ZNF385D: variants seen among roughly 807,000 people sequenced by gnomAD.
The protein encoded by ZNF385D is zinc finger protein 659.
A neutral mutation model predicts 35.8 loss-of-function variants in ZNF385D; 15 were observed. The observed-to-expected ratio is 0.42, with a 90% CI of 0.28 to 0.64. The LOEUF (loss-of-function observed/expected upper bound fraction) is 0.64, where lower values mean the gene tolerates loss of function less well. Among genes scored for constraint, ZNF385D ranks in the 30% least tolerant of loss-of-function variants. The pLI, the probability that ZNF385D is intolerant of heterozygous loss-of-function variation, is 0.23. For missense variants in ZNF385D, 474 were observed against 494.6 expected, an observed-to-expected ratio of 0.96 and a Z score of 0.39; for synonymous variants, 212 against 186.8, an observed-to-expected ratio of 1.13 and a Z score of -1.10.
intron 3 of ZNF385D, among the ~76,000 whole-genome samples, chr3:21,555,155 T>G (rs1161586579): frequency 5.3e-5 from 8 of 152,180 alleles, no homozygotes; most frequent in African/African-American, 1.7e-4. Flanking sequence ...TTCTGGTTTT[T>G]GATGTAAATG....
chr3:21,532,253 T>C (rs1308420813), intron 3 of ZNF385D, among the ~76,000 whole-genome samples: 4 of 152,144 alleles, frequency 2.6e-5, no homozygotes, highest in African/African-American at 9.7e-5. Flanking sequence ...GGTGAGATCA[T>C]GAGCTGGTGA....
intron 2 of ZNF385D, among the ~76,000 whole-genome samples, chr3:21,647,874 A>G (rs563099607): frequency 1.2e-4 from 19 of 152,290 alleles, no homozygotes; most frequent in African/African-American, 3.8e-4. Flanking sequence ...TCTTTTTTTC[A>G]TATGAATGTT....
chr3:22,297,709 C>T lies in ZNF385D; in HGVS notation c.106+74741G>A, dbSNP rs181714873. Among the ~76,000 whole-genome samples, 77 of 151,586 alleles carry T rather than the reference C, an allele frequency of 5.1e-4. No homozygotes were observed. The East Asian group carries it at 0.012, about 23-fold the overall frequency. ...TAATAAACAAAGCAAATACACGTGGCGAGGATTCATAACTGGGAATTTTCT... is the reference window on the plus strand; with the variant it reads ...TAATAAACAAAGCAAATACACGTGGTGAGGATTCATAACTGGGAATTTTCT... On this transcript the variant is annotated intron_variant, in intron 2 of 5. Coordinates refer to the ZNF385D transcript ENST00000494108.
At chr3:22,111,309 C>T (rs527901372) in intron 3 of ZNF385D, among the ~76,000 whole-genome samples, 6 of 151,764 alleles carry the variant, frequency 4.0e-5, no homozygotes, top group African/African-American at 1.2e-4. Flanking sequence ...GCCCTGTGAA[C>T]TTGGTAAATG....
At chr3:22,372,428 C>T (rs1696954980) in intron 2 of ZNF385D, 1 of 984,912 alleles carries the variant, frequency 1.0e-6, no homozygotes, top group South Asian at 4.7e-5. Context: ...AACCGAGACA[C>T]CTCTTTTTGC....
At chr3:22,118,945 T>G (rs1702946121) in intron 3 of ZNF385D, among the ~76,000 whole-genome samples, 2 of 152,138 alleles carry the variant, frequency 1.3e-5, no homozygotes, top group African/African-American at 4.8e-5. Context: ...ACTGAAAAAT[T>G]TTTAGTTTTT....
chr3:21,958,218 G>T lies in ZNF385D; in HGVS notation c.325+210599C>A, dbSNP rs180855390. Among the ~76,000 whole-genome samples, 334 of 152,112 alleles carry T rather than the reference G, an allele frequency of 2.2e-3. 2 individuals are homozygous for T. The highest frequency in any genetic ancestry group is 7.6e-3 in the African/African-American group (317 of 41,504). ...AAGAATATCAGCGTGCACCAATAAT[G>T]GGCAAAATCATTTTGTGAGGTGATC... is the stretch of plus-strand genomic sequence containing the variant. On this transcript the variant is annotated intron_variant, in intron 3 of 5. Coordinates refer to the ZNF385D transcript ENST00000494108.
At chr3:22,085,884 G>A (rs1429025284) in intron 3 of ZNF385D, among the ~76,000 whole-genome samples, 1 of 152,148 alleles carries the variant, frequency 6.6e-6, no homozygotes, top group Non-Finnish European at 1.5e-5. Flanking sequence ...TCCCTGAGTT[G>A]CAAGGATGGT....
intron 3 of ZNF385D, among the ~76,000 whole-genome samples, chr3:21,813,660 T>TAA (rs548618401): frequency 4.0e-5 from 6 of 150,974 alleles, no homozygotes; most frequent in Non-Finnish European, 7.4e-5. Flanking sequence ...GAAAAAAGAG[T>TAA]AAAAAGAAAT....
intron 2 of ZNF385D, among the ~76,000 whole-genome samples, chr3:22,314,422 C>T (rs771929712): frequency 5.9e-5 from 9 of 152,252 alleles, no homozygotes; most frequent in Middle Eastern, 6.8e-3. Flanking sequence ...AGTCTCCAAT[C>T]CCATCCAGAT....
chr3:22,057,949 A>T (rs1342534003), intron 3 of ZNF385D, among the ~76,000 whole-genome samples: 1 of 152,234 alleles, frequency 6.6e-6, no homozygotes, highest in Non-Finnish European at 1.5e-5. Context: ...CAAACATGCC[A>T]TTTAGGCCAT....
rs201734897 is a variant in ZNF385D, at chr3:21,425,753, A to AC, written c.674-84_674-83insG. 570 of 1,338,082 alleles carry AC rather than the reference A, an allele frequency of 4.3e-4. No individual in the cohort carries two copies. The African/African-American group carries it at 4.9e-3, about 11-fold the overall frequency. 82.9% of individuals were successfully genotyped at this position (1,338,082 alleles called of 1,614,324 possible). A position where few individuals can be genotyped will look rare whatever the true frequency, so the allele number is the denominator to read the frequency against. On this transcript the variant is annotated intron_variant, in intron 5 of 7. Coordinates refer to ENST00000281523, the MANE Select transcript of ZNF385D (RefSeq NM_024697.3). ...AAGGAGGTGGGATGGGAGGAAAAAA[A>AC]TCTTAGCTAGTATATACCTTTAAGA... is the stretch of plus-strand genomic sequence containing the variant.
At chr3:21,728,246 G>T (rs982356627) in intron 1 of ZNF385D, among the ~76,000 whole-genome samples, 29 of 150,938 alleles carry the variant, frequency 1.9e-4, no homozygotes, top group Non-Finnish European at 7.4e-5. Flanking sequence ...TAACAAAACT[G>T]CACGTTCTGC....
At chr3:21,907,637 C>G (rs1473874275) in intron 3 of ZNF385D, among the ~76,000 whole-genome samples, 1 of 152,076 alleles carries the variant, frequency 6.6e-6, no homozygotes, top group African/African-American at 2.4e-5. Flanking sequence ...TTATAAGAAT[C>G]TTTGATACTT....
intron 3 of ZNF385D, among the ~76,000 whole-genome samples, chr3:21,879,067 A>T (rs1271601914): frequency 1.3e-5 from 2 of 152,016 alleles, no homozygotes; most frequent in Non-Finnish European, 2.9e-5. Context: ...CATCATTTGA[A>T]TACTTCTCAA....
intron 3 of ZNF385D, among the ~76,000 whole-genome samples, chr3:21,532,694 A>AC (rs2061952154): frequency 6.6e-6 from 1 of 151,638 alleles, no homozygotes; most frequent in Admixed American, 6.6e-5. Flanking sequence ...AAAAAAAAAA[A>AC]CAGATCTAGT....
intron 3 of ZNF385D, among the ~76,000 whole-genome samples, chr3:22,012,492 G>A (rs1696639777): frequency 6.6e-6 from 1 of 152,056 alleles, no homozygotes; most frequent in Non-Finnish European, 1.5e-5. Context: ...AAATGTGTGT[G>A]CTTCAGAATA....
chr3:21,574,784 C>A (rs1007818472), intron 2 of ZNF385D, among the ~76,000 whole-genome samples: 1 of 152,032 alleles, frequency 6.6e-6, no homozygotes, highest in Non-Finnish European at 1.5e-5. Flanking sequence ...TATCCTTATA[C>A]ATGTTCAGAA....
intron 3 of ZNF385D, among the ~76,000 whole-genome samples, chr3:21,898,074 A>G (rs991015569): frequency 2.0e-5 from 3 of 152,158 alleles, no homozygotes; most frequent in African/African-American, 7.2e-5. Context: ...GTATCGTCAA[A>G]TGTTAGACTA....
Sources: allele counts gnomAD v4.1 joint callset (sites outside exome capture counted in the v4.1 genomes callset), GRCh38; gene constraint gnomAD v4.1.1; transcripts MANE v1.5; gene names NCBI Gene and HGNC (gene_info 2026-07-23, HGNC 2026-07-21).